Variants in GTPBP4 observed in about 807,000 individuals in gnomAD.
The protein encoded by GTPBP4 is GTP-binding protein 4.
In GTPBP4, 15 loss-of-function variants were observed where a neutral mutation model predicts 81.7. The ratio of observed to expected loss-of-function variants is 0.18; its 90% CI spans 0.12 to 0.28. GTPBP4 has a LOEUF of 0.28. Ranked by LOEUF, GTPBP4 falls within the 10% of genes least tolerant of loss-of-function variation. The pLI, the probability that GTPBP4 is intolerant of heterozygous loss-of-function variation, is 1.00. For synonymous variants in GTPBP4, 272 were observed against 274.6 expected (o/e 0.99, Z 0.09); for missense variants, 847 against 793.8 (o/e 1.07, Z -0.81).
In GTPBP4 at chr10:1,019,770, C is replaced by T. The variant is rs1044261; in HGVS notation, c.*2543C>T. On this transcript the variant is annotated 3_prime_UTR_variant, in exon 17 of 17. Coordinates refer to ENST00000360803, the MANE Select transcript of GTPBP4 (RefSeq NM_012341.3). ...AAGGTAACAAATTTCATGCTCTCCC[C>T]AAATTCTGTCTGATTTTGCCTTGTG... The T allele has an allele frequency of 0.066, 106,061 of 1,613,818 alleles. 3,812 individuals are homozygous for T. The highest frequency in any genetic ancestry group is 0.076 in the Non-Finnish European group (89,560 of 1,179,836).
Position 1,017,555 on chromosome 10 carries a change from G to A in GTPBP4, c.*328G>A, listed in dbSNP as rs1411445399. 1 of 204,878 alleles carries A rather than the reference G, an allele frequency of 4.9e-6. No individual in the cohort carries two copies. Among genetic ancestry groups the A allele is most frequent in the Non-Finnish European group, 9.7e-6 (1 of 103,126 alleles). The allele number at this position is 204,878 out of a possible 1,614,324, so 12.7% of individuals were successfully genotyped here. A position where few individuals can be genotyped will look rare whatever the true frequency, so the allele number is the denominator to read the frequency against. ...CCTTATTTTCTTTTGTAAGAGCTGG[G>A]AGCAAACACGTTTATGAGTGTGTCG... On this transcript the variant is annotated 3_prime_UTR_variant, in exon 17 of 17. Coordinates refer to ENST00000360803, the MANE Select transcript of GTPBP4 (RefSeq NM_012341.3).
rs138902540 is a variant in GTPBP4 at position 1,019,745 on chromosome 10, A to G, written c.*2518A>G. The G allele has an allele frequency of 2.8e-4, 444 of 1,613,830 alleles. No individual in the cohort carries two copies. Among genetic ancestry groups the G allele is most frequent in the Non-Finnish European group, 3.6e-4 (424 of 1,180,000 alleles). ...GAGTGACGTTTTTCCTCACAAGCAG[A>G]AGGTAACAAATTTCATGCTCTCCCC... On this transcript the variant is annotated 3_prime_UTR_variant, in exon 17 of 17. Transcript: ENST00000360803.
At chr10:1,013,564 T>C (rs1007385610) in intron 14 of GTPBP4, among the ~76,000 whole-genome samples, 7 of 151,936 alleles carry the variant, frequency 4.6e-5, no homozygotes, top group Non-Finnish European at 1.0e-4. Context: ...GAGCCGAGAT[T>C]GTGCCAGTGC....
chr10:1,000,020 G>A (rs967407577), intron 6 of GTPBP4, among the ~76,000 whole-genome samples: 11 of 152,074 alleles, frequency 7.2e-5, no homozygotes, highest in African/African-American at 2.4e-4. Context: ...TTTGTAAATT[G>A]TGAAGAAAGT....
chr10:1,011,126 GGAGA>G (rs1422364631), intron 13 of GTPBP4, among the ~76,000 whole-genome samples: 3 of 102,902 alleles, frequency 2.9e-5, no homozygotes, highest in Non-Finnish European at 6.5e-5. Flanking sequence ...AGACTCTGGT[GGAGA>G]TGCTGGGCCC....
chr10:991,963 GGGATTACA>G (rs1316059008), intron 1 of GTPBP4, among the ~76,000 whole-genome samples: 1 of 150,288 alleles, frequency 6.7e-6, no homozygotes, highest in Non-Finnish European at 1.5e-5. Flanking sequence ...CCAAAGTGCT[GGGATTACA>G]GGCGTGAGCC....
In GTPBP4 at chr10:1,018,184, T is replaced by C. The variant is rs1832023091; in HGVS notation, c.*957T>C. The C allele has an allele frequency of 6.6e-6, 1 of 152,304 alleles. No individual in the cohort carries two copies. The highest frequency in any genetic ancestry group is 1.5e-5 in the Non-Finnish European group (1 of 68,106). The allele number at this position is 152,304 out of a possible 1,614,324, so 9.4% of individuals were successfully genotyped here. On this transcript the variant is annotated 3_prime_UTR_variant, in exon 17 of 17. Transcript: ENST00000360803. The stretch of plus-strand genomic sequence containing the variant: ...GCTCAAGCCTGTAGTTCCAGCACTT[T>C]GGGAGGCCGAGGTGGGCAGATCAGG...
At position 999,095 on chromosome 10, in the gene GTPBP4, G is replaced by A. The variant is rs141450164; in HGVS notation, c.654G>A (p.Gln218=). 660 of 1,504,768 alleles carry A rather than the reference G, an allele frequency of 4.4e-4. 8 individuals are homozygous for A. The South Asian group carries it at 4.4e-3, about 10-fold the overall frequency. 93.2% of individuals were successfully genotyped at this position (1,504,768 alleles called of 1,614,324 possible). ...GHMDYKYLRW[Q]VVDTPGILDH... is the part of the protein sequence containing the mutation. ...TGGATTATAAGTATCTACGTTGGCAGGTGAGAGTCTTGTCTTTATTTTTAT... is the reference window on the plus strand; with the variant it reads ...TGGATTATAAGTATCTACGTTGGCAAGTGAGAGTCTTGTCTTTATTTTTAT... The change falls in exon 6 of 17, where the codon CAG becomes CAA. Residue 218 remains glutamine, a splice_region_variant and synonymous_variant. Coordinates refer to ENST00000360803, the MANE Select transcript of GTPBP4 (RefSeq NM_012341.3).
chr10:1,011,022 C>T (rs1305778537), intron 13 of GTPBP4, among the ~76,000 whole-genome samples: 28 of 110,218 alleles, frequency 2.5e-4, no homozygotes, highest in African/African-American at 8.2e-4. Flanking sequence ...TGTGTCTCCG[C>T]CAGGCCCTGG....
chr10:988,467 T>G lies in GTPBP4; in HGVS notation c.-13T>G. 6.2e-7 allele frequency: 1 copy of G among 1,612,128 alleles called. No individual in the cohort carries two copies. Among genetic ancestry groups the G allele is most frequent in the Non-Finnish European group, 8.5e-7 (1 of 1,178,666 alleles). Reference sequence around the variant, plus strand: ...CGGGAGTGCCAAGTACCCGCGTGCATACGGCTGCCGGCATGGCACATTACA... The same window carrying G: ...CGGGAGTGCCAAGTACCCGCGTGCAGACGGCTGCCGGCATGGCACATTACA... On this transcript the variant is annotated 5_prime_UTR_variant, in exon 1 of 17. Coordinates refer to ENST00000360803, the MANE Select transcript of GTPBP4 (RefSeq NM_012341.3).
chr10:999,114 T>C lies in GTPBP4; in HGVS notation c.654+19T>C, dbSNP rs1029894569. 9.3e-6 allele frequency: 12 copies of C among 1,292,000 alleles called. No homozygotes were observed. Among genetic ancestry groups the C allele is most frequent in the African/African-American group, 2.9e-5 (2 of 68,722 alleles). The allele number at this position is 1,292,000 out of a possible 1,614,324, so 80.0% of individuals were successfully genotyped here. A position where few individuals can be genotyped will look rare whatever the true frequency, so the allele number is the denominator to read the frequency against. The stretch of plus-strand genomic sequence containing the variant: ...TTGGCAGGTGAGAGTCTTGTCTTTA[T>C]TTTTATTCATTTATTTATTTTGAGT... On this transcript the variant is annotated intron_variant, in intron 6 of 16. Coordinates refer to ENST00000360803, the MANE Select transcript of GTPBP4 (RefSeq NM_012341.3).
At chr10:990,074 T>C (rs894632214) in intron 1 of GTPBP4, among the ~76,000 whole-genome samples, 3 of 152,198 alleles carry the variant, frequency 2.0e-5, no homozygotes, top group Non-Finnish European at 4.4e-5. Context: ...TCATGTCTTA[T>C]TTGTATTTTT....
chr10:1,015,578 CGCTGAGCCTGGGAGCGGGG>C (rs1314313265), intron 15 of GTPBP4, among the ~76,000 whole-genome samples, 156 bp from the exon 16 acceptor site: 2 of 139,358 alleles, frequency 1.4e-5, no homozygotes, highest in Non-Finnish European at 3.1e-5. Context: ...GGGTCCTGAG[CGCTGAGCCTGGGAGCGGGG>C]CTGGGGTCCT....
intron 14 of GTPBP4, 90 bp downstream of exon 14, chr10:1,012,752 AT>A: frequency 2.5e-6 from 2 of 813,076 alleles, no homozygotes; most frequent in South Asian, 1.7e-5. Flanking sequence ...TTTTCAACCC[AT>A]TTATGGCCAT....
At position 1,008,802 on chromosome 10, in the gene GTPBP4, C is replaced by T; in HGVS notation, c.1114-156C>T. On this transcript the variant is annotated intron_variant, in intron 10 of 16. Transcript: ENST00000360803. ...GTTAATTGGTCTCGGTATGAACCCA[C>T]TCCTCTCCCCTAAAATAATCTGTTG... 7 of 684,152 alleles carry T rather than the reference C, an allele frequency of 1.0e-5. No homozygotes were observed. The South Asian group carries it at 1.0e-4, about 10-fold the overall frequency. The allele number at this position is 684,152 out of a possible 1,614,324, so 42.4% of individuals were successfully genotyped here.
At chr10:996,556 T>C in intron 4 of GTPBP4, 1 of 205,310 alleles carries the variant, frequency 4.9e-6, no homozygotes, top group East Asian at 1.1e-4. Context: ...TTTTTATTTT[T>C]AAAAACACTT....
At chr10:1,007,459 G>T (rs1368761700) in intron 10 of GTPBP4, 1 of 229,566 alleles carries the variant, frequency 4.4e-6, no homozygotes, top group African/African-American at 2.3e-5. Flanking sequence ...TTTTGGCTGG[G>T]GGAAGTAGCT....
Position 1,017,529 on chromosome 10 carries a change from A to C in GTPBP4, c.*302A>C. On this transcript the variant is annotated 3_prime_UTR_variant, in exon 17 of 17. Transcript: ENST00000360803. ...ACTAGGTTGTTTTTGATGGAGAAAA[A>C]CCTTATTTTCTTTTGTAAGAGCTGG... The C allele has an allele frequency of 4.0e-6, 1 of 253,004 alleles. No individual in the cohort carries two copies. 15.7% of individuals were successfully genotyped at this position (253,004 alleles called of 1,614,324 possible).
intron 16 of GTPBP4, among the ~76,000 whole-genome samples, chr10:1,016,849 T>C (rs2132177987): frequency 6.7e-6 from 1 of 149,922 alleles, no homozygotes; most frequent in South Asian, 2.1e-4. Flanking sequence ...GTAACTGTGC[T>C]GGGCTTAAGA....
Sources: gnomAD v4.1 joint callset for allele counts (sites outside exome capture counted in the v4.1 genomes callset) on GRCh38, gnomAD v4.1.1 for gene constraint, MANE v1.5 for transcripts, NCBI Gene and HGNC (gene_info 2026-07-23, HGNC 2026-07-21) for gene names.